Variants in CREB1 observed in about 807,000 individuals in gnomAD.
CREB1 encodes cyclic AMP-responsive element-binding protein 1.
A neutral mutation model predicts 42.0 loss-of-function variants in CREB1; 2 were observed. The ratio of observed to expected loss-of-function variants is 0.05; its 90% CI spans 0.02 to 0.15. The LOEUF is 0.15. Among genes scored for constraint, CREB1 ranks in the 10% least tolerant of loss-of-function variants. CREB1 has a pLI of 1.00. For synonymous variants in CREB1, 123 were observed against 139.9 expected, an observed-to-expected ratio of 0.88 and a Z score of 0.85; for missense variants, 199 against 388.9, an observed-to-expected ratio of 0.51 and a Z score of 4.11.
intron 1 of CREB1, among the ~76,000 whole-genome samples, chr2:207,552,186 G>A (rs188128663): frequency 1.3e-5 from 2 of 151,902 alleles, no homozygotes; most frequent in East Asian, 1.9e-4. Flanking sequence ...AAGAAATATC[G>A]AGTTGTGGAG....
chr2:207,561,200 GAA>G (rs776337772), intron 3 of CREB1: 1 of 1,512,286 alleles, frequency 6.6e-7, no homozygotes, highest in Non-Finnish European at 9.1e-7. Context: ...ACTATTATTA[GAA>G]AGGAAGGTGA....
At chr2:207,571,518 A>G (rs778019167) in intron 5 of CREB1, among the ~76,000 whole-genome samples, 6 of 152,170 alleles carry the variant, frequency 3.9e-5, no homozygotes. Context: ...GAAGGAAGGC[A>G]TTTTTGACTA....
rs374575266 is a variant in CREB1, at chr2:207,560,290, A to G, written c.179A>G (p.Asn60Ser). ...ACCGTAACTCTAGTACAGCTGCCCA[A>G]TGGGCAGACAGTTCAAGTCCATGGA... The part of the protein sequence containing the change: ...APTVTLVQLP[N>S]GQTVQVHGVI... The change falls in exon 3 of 8, where the codon AAT (asparagine) becomes AGT (serine). Residue 60 changes from asparagine (N) to serine (S), a missense_variant. By Grantham distance (46) the Asn-to-Ser change is conservative (BLOSUM62 1). Around this residue, in one of 4 missense-constraint regions of CREB1, gnomAD observed 66 missense variants for 150.8 expected, o/e 0.44. Coordinates refer to ENST00000353267, the MANE Select transcript of CREB1 (RefSeq NM_004379.5). 23 of 1,613,848 alleles carry G rather than the reference A, an allele frequency of 1.4e-5. No homozygotes were observed. The highest frequency in any genetic ancestry group is 2.2e-5 in the East Asian group (1 of 44,890).
rs562006832 is a variant in CREB1 at position 207,593,493 on chromosome 2, G to T, written c.840-3421G>T. On this transcript the variant is annotated intron_variant, in intron 7 of 7. Coordinates refer to ENST00000353267, the MANE Select transcript of CREB1 (RefSeq NM_004379.5). Reference sequence around the variant, plus strand: ...TGCAGTGAGCCCTCATTGTGCCACTGCACTCCAGCCTGGGCAGCAGAGCAA... The same window carrying T: ...TGCAGTGAGCCCTCATTGTGCCACTTCACTCCAGCCTGGGCAGCAGAGCAA... 2.0e-5 allele frequency among the ~76,000 whole-genome samples: 3 copies of T among 152,296 alleles called. No homozygotes were observed. In the South Asian group the frequency reaches 6.2e-4, roughly 32 times the overall value.
At chr2:207,558,119 G>A (rs1319531055) in intron 2 of CREB1, among the ~76,000 whole-genome samples, 1 of 152,174 alleles carries the variant, frequency 6.6e-6, no homozygotes, top group Non-Finnish European at 1.5e-5. Context: ...AAGATTTATA[G>A]TGGCCAGAGA....
intron 1 of CREB1, among the ~76,000 whole-genome samples, chr2:207,532,115 G>T (rs1000953406): frequency 6.6e-6 from 1 of 152,048 alleles, no homozygotes; most frequent in African/African-American, 2.4e-5. Flanking sequence ...CAGCACTTGG[G>T]GGGTCGAGGC....
intron 1 of CREB1, among the ~76,000 whole-genome samples, chr2:207,537,226 A>G (rs1231464254): frequency 6.6e-6 from 1 of 151,684 alleles, no homozygotes; most frequent in African/African-American, 2.4e-5. Context: ...AGCTAAAGAG[A>G]CAGGGTTTCA....
chr2:207,575,023 C>T (rs971729446), intron 5 of CREB1, among the ~76,000 whole-genome samples: 2 of 152,056 alleles, frequency 1.3e-5, no homozygotes, highest in African/African-American at 2.4e-5. Context: ...CATTTTTCCA[C>T]TTAAAAAAAT....
At chr2:207,550,748 C>G (rs1260276752) in intron 1 of CREB1, among the ~76,000 whole-genome samples, 1 of 151,924 alleles carries the variant, frequency 6.6e-6, no homozygotes, top group Non-Finnish European at 1.5e-5. Flanking sequence ...AGAATTTGTC[C>G]CTGATTCAGT....
Position 207,602,557 on chromosome 2 carries a change from C to CT in CREB1, c.*5500dup. 4.7e-6 allele frequency: 1 copy of CT among 211,118 alleles called. No homozygotes were observed. The highest frequency in any genetic ancestry group is 2.3e-5 in the African/African-American group (1 of 44,190). The allele number at this position is 211,118 out of a possible 1,614,324, so 13.1% of individuals were successfully genotyped here. On this transcript the variant is annotated 3_prime_UTR_variant, in exon 8 of 8. Transcript: ENST00000353267. ...GCATCTCAGAGAAGTGAGAGTAAATCTGAGTTAGCTTAAAAATTGGTAGGG... is the reference window on the plus strand; with the variant it reads ...GCATCTCAGAGAAGTGAGAGTAAATCTTGAGTTAGCTTAAAAATTGGTAGGG...
intron 1 of CREB1, among the ~76,000 whole-genome samples, chr2:207,542,287 C>G (rs1330333488): frequency 6.6e-6 from 1 of 152,202 alleles, no homozygotes; most frequent in Non-Finnish European, 1.5e-5. Flanking sequence ...CCCATCTTCA[C>G]TAACACTTGT....
At chr2:207,595,359 G>A (rs2085939283) in intron 7 of CREB1, among the ~76,000 whole-genome samples, 1 of 151,988 alleles carries the variant, frequency 6.6e-6, no homozygotes, top group African/African-American at 2.4e-5. Flanking sequence ...AAGTCCCTAT[G>A]CCCATTTTTT....
At chr2:207,594,244 A>G (rs2085672215) in intron 7 of CREB1, among the ~76,000 whole-genome samples, 1 of 152,190 alleles carries the variant, frequency 6.6e-6, no homozygotes, top group Non-Finnish European at 1.5e-5. Context: ...AAATATAACA[A>G]AATTGACCAT....
At chr2:207,580,501 G>A (rs1333127962) in intron 7 of CREB1, 1 of 217,672 alleles carries the variant, frequency 4.6e-6, no homozygotes, top group Non-Finnish European at 9.2e-6. Context: ...TCCTCTTCTA[G>A]TGTGGCTATT....
In CREB1 at chr2:207,567,561, C is replaced by T; in HGVS notation, c.360C>T (p.Tyr120=). ...AAATTCTTTCAAGGAGGCCTTCCTA[C>T]AGGTATGGAATTTAATAGTTAGAAT... The part of the protein sequence containing the change: ...RREILSRRPS[Y]RKILNDLSSD... Residue 120 remains tyrosine, a splice_region_variant and synonymous_variant, in exon 4 of 8, where the codon TAC becomes TAT. Coordinates refer to ENST00000353267, the MANE Select transcript of CREB1 (RefSeq NM_004379.5). The T allele has an allele frequency of 1.9e-6, 3 of 1,602,536 alleles. No homozygotes were observed. Among genetic ancestry groups the T allele is most frequent in the Non-Finnish European group, 2.6e-6 (3 of 1,170,484 alleles).
intron 1 of CREB1, among the ~76,000 whole-genome samples, chr2:207,554,143 T>C (rs1329956091): frequency 1.3e-5 from 2 of 152,224 alleles, no homozygotes; most frequent in African/African-American, 2.4e-5. Context: ...TTTTAAATAA[T>C]GTAGTCAAGT....
intron 1 of CREB1, chr2:207,534,741 C>T (rs2080798744): frequency 6.6e-6 from 1 of 152,226 alleles, no homozygotes; most frequent in Non-Finnish European, 1.5e-5. Context: ...AATTCATTCA[C>T]ATGATCTATA....
chr2:207,597,524 A>G lies in CREB1; in HGVS notation c.*466A>G. ...TGAAGAAGTGTTGATTGCCAAATTGACATGTTGTCACATTCTCATTGTGAA... is the reference window on the plus strand; with the variant it reads ...TGAAGAAGTGTTGATTGCCAAATTGGCATGTTGTCACATTCTCATTGTGAA... On this transcript the variant is annotated 3_prime_UTR_variant, in exon 8 of 8. Transcript: ENST00000353267. 4.6e-6 allele frequency: 1 copy of G among 216,780 alleles called. No homozygotes were observed. The highest frequency in any genetic ancestry group is 9.3e-6 in the Non-Finnish European group (1 of 107,708). 13.4% of individuals were successfully genotyped at this position (216,780 alleles called of 1,614,324 possible).
Position 207,598,127 on chromosome 2 carries a change from A to G in CREB1, c.*1069A>G, listed in dbSNP as rs556193599. The G allele has an allele frequency of 3.0e-4, 55 of 180,830 alleles. 1 individual carries two copies. The highest frequency in any genetic ancestry group is 2.2e-3 in the Middle Eastern group (1 of 462). The allele number at this position is 180,830 out of a possible 1,614,324, so 11.2% of individuals were successfully genotyped here. A position where few individuals can be genotyped will look rare whatever the true frequency, so the allele number is the denominator to read the frequency against. ...AAAATACTGATTTTAAATATTTTCC[A>G]TATTAACAATTTAACAGAGAATCTC... On this transcript the variant is annotated 3_prime_UTR_variant, in exon 8 of 8. Transcript: ENST00000353267.
Sources: allele counts gnomAD v4.1 joint callset (sites outside exome capture counted in the v4.1 genomes callset), GRCh38; gene constraint gnomAD v4.1.1; regional missense constraint gnomAD v4.1.1; transcripts MANE v1.5; gene names NCBI Gene and HGNC (gene_info 2026-07-23, HGNC 2026-07-21).